JAK1: variants seen among roughly 807,000 people sequenced by gnomAD.
JAK1 encodes the protein tyrosine-protein kinase JAK1.
Under a neutral mutation model 136.6 loss-of-function variants are expected in JAK1, and 16 were observed. The ratio of observed to expected loss-of-function variants is 0.12; its 90% confidence interval spans 0.08 to 0.18. The LOEUF is 0.18. Among genes scored for constraint, JAK1 ranks in the 10% least tolerant of loss-of-function variants. JAK1 has a pLI of 1.00. For synonymous variants in JAK1, 492 were observed against 519.5 expected (o/e 0.95, Z 0.72); for missense variants, 859 against 1,450.1 (o/e 0.59, Z 6.62).
chr1:64,942,670 TAGACTTCAAGCCAAACATCAGCA>T (rs71890067), intron 1 of JAK1, among the ~76,000 whole-genome samples: 7,058 of 152,306 alleles, frequency 0.046, 264 homozygotes, highest in Admixed American at 0.14. Context: ...ACAATATTCT[TAGACTTCAAGCCAAACATCAGCA>T]AATGCCATGC....
intron 1 of JAK1, among the ~76,000 whole-genome samples, chr1:64,936,919 CA>C (rs1645799638): frequency 6.6e-6 from 1 of 150,790 alleles, no homozygotes; most frequent in South Asian, 2.1e-4. Context: ...ACAAAAATGG[CA>C]ATTTTATATT....
intron 1 of JAK1, among the ~76,000 whole-genome samples, chr1:64,965,511 C>T (rs538899290): frequency 6.6e-5 from 10 of 152,226 alleles, no homozygotes; most frequent in Admixed American, 3.9e-4. Context: ...TCCCAGGGAC[C>T]CTGGGGAGTG....
At chr1:64,917,007 A>G (rs927016907) in intron 1 of JAK1, among the ~76,000 whole-genome samples, 1 of 152,118 alleles carries the variant, frequency 6.6e-6, no homozygotes, top group Non-Finnish European at 1.5e-5. Flanking sequence ...AAACCATTTG[A>G]GAAAGATTTC....
At chr1:64,850,960 C>A (rs1655551746) in intron 11 of JAK1, 50 bp from the exon 12 acceptor site, 1 of 1,291,734 alleles carries the variant, frequency 7.7e-7, no homozygotes, top group East Asian at 2.3e-5. Flanking sequence ...GATCCGAGCT[C>A]TCAGACAGCC....
intron 2 of JAK1, among the ~76,000 whole-genome samples, chr1:65,020,330 T>C (rs1185905139): frequency 6.7e-6 from 1 of 149,960 alleles, no homozygotes; most frequent in Non-Finnish European, 1.5e-5. Flanking sequence ...AGCAACAGCC[T>C]ATGAGAACTC....
chr1:65,033,756 G>A (rs545453869), intron 2 of JAK1, among the ~76,000 whole-genome samples: 8 of 145,796 alleles, frequency 5.5e-5, no homozygotes, highest in African/African-American at 1.0e-4. Flanking sequence ...AAACACTTCC[G>A]TATAGTATGT....
intron 1 of JAK1, among the ~76,000 whole-genome samples, chr1:64,926,397 C>G (rs1645583230): frequency 7.2e-6 from 1 of 139,408 alleles, no homozygotes; most frequent in Non-Finnish European, 1.6e-5. Flanking sequence ...TCCACACTGC[C>G]CAGGTGGAAC....
At chr1:65,026,226 A>G (rs1426772451) in intron 2 of JAK1, among the ~76,000 whole-genome samples, 3 of 152,168 alleles carry the variant, frequency 2.0e-5, no homozygotes, top group Admixed American at 6.5e-5. Context: ...CTTTTGAACC[A>G]TTACCTTATT....
intron 2 of JAK1, among the ~76,000 whole-genome samples, chr1:64,986,987 A>G (rs988187841): frequency 6.6e-6 from 1 of 152,186 alleles, no homozygotes; most frequent in Non-Finnish European, 1.5e-5. Context: ...CAAGGCCTTA[A>G]CGTTGTAAGA....
Position 64,864,906 on chromosome 1 carries a change from C to G in JAK1, c.1057G>C (p.Asp353His). The G allele has an allele frequency of 6.2e-7, 1 of 1,613,952 alleles. No individual in the cohort carries two copies. Among genetic ancestry groups the G allele is most frequent in the East Asian group, 2.2e-5 (1 of 44,854 alleles). ...RKKLENKHKK[D>H]EEKNKIREEW... ...TCCCGGATCTTGTTTTTCTCCTCAT[C>G]CTTCTTGTGTTTATTTTCCAGTTTT... is the stretch of plus-strand genomic sequence containing the variant. Residue 353 changes from aspartate to histidine, a missense_variant, in exon 8 of 25, where the codon GAT becomes CAT. Transcript: ENST00000342505.
intron 1 of JAK1, among the ~76,000 whole-genome samples, chr1:64,911,640 A>G (rs547153038): frequency 1.3e-5 from 2 of 152,356 alleles, no homozygotes; most frequent in African/African-American, 4.8e-5. Context: ...AAATCATCTA[A>G]GTAATGACCT....
intron 2 of JAK1, among the ~76,000 whole-genome samples, chr1:65,035,379 T>C (rs1486774537): frequency 1.3e-5 from 2 of 152,192 alleles, no homozygotes; most frequent in Non-Finnish European, 2.9e-5. Context: ...GTAGGAACTA[T>C]AAGCAAGTGA....
chr1:65,006,174 T>C (rs1009348317), intron 2 of JAK1, among the ~76,000 whole-genome samples: 4 of 152,240 alleles, frequency 2.6e-5, no homozygotes, highest in Admixed American at 2.0e-4. Context: ...ACTCAAATTG[T>C]ATTTGGTAAA....
At chr1:64,943,142 A>T (rs1317421820) in intron 1 of JAK1, among the ~76,000 whole-genome samples, 1 of 152,180 alleles carries the variant, frequency 6.6e-6, no homozygotes, top group Non-Finnish European at 1.5e-5. Context: ...TATTATATCA[A>T]ATTTTGACTA....
chr1:64,906,864 A>T (rs1000747998), intron 1 of JAK1, among the ~76,000 whole-genome samples: 3 of 152,226 alleles, frequency 2.0e-5, no homozygotes, highest in African/African-American at 7.2e-5. Flanking sequence ...AAAGCTTTAA[A>T]GGAAAAACGG....
At chr1:65,050,727 G>C (rs693239) in intron 1 of JAK1, among the ~76,000 whole-genome samples, 29 of 152,194 alleles carry the variant, frequency 1.9e-4, no homozygotes, top group Non-Finnish European at 3.8e-4. Flanking sequence ...AGTGTATGGT[G>C]CAAATTTTAA....
chr1:64,864,188 G>A (rs954679677), intron 8 of JAK1, among the ~76,000 whole-genome samples: 3 of 152,172 alleles, frequency 2.0e-5, no homozygotes, highest in Non-Finnish European at 2.9e-5. Flanking sequence ...CTCACCAGCC[G>A]CTCTCTCTGC....
intron 2 of JAK1, among the ~76,000 whole-genome samples, chr1:65,014,600 C>T (rs1434065110): frequency 6.6e-6 from 1 of 152,022 alleles, no homozygotes; most frequent in Non-Finnish European, 1.5e-5. Context: ...CCACTAACTT[C>T]TCAGTAGCTG....
Position 64,984,941 on chromosome 1 carries a change from G to T in JAK1, c.-78+59539C>A. On this transcript the variant is annotated intron_variant, in intron 2 of 25. Coordinates refer to the JAK1 transcript ENST00000671954. The surrounding 1 kb of genome is among the most constrained non-coding windows in gnomAD (Gnocchi z 4.1). ...TGAAGAGTTCAGCCACAATAAACCA[G>T]GGAATGTGGTCTGGCCCAATTTCAA... is the stretch of plus-strand genomic sequence containing the variant. 9.2e-7 allele frequency: 1 copy of T among 1,088,550 alleles called. No individual in the cohort carries two copies. Among genetic ancestry groups the T allele is most frequent in the Non-Finnish European group, 1.4e-6 (1 of 705,200 alleles). 67.4% of individuals were successfully genotyped at this position (1,088,550 alleles called of 1,614,324 possible). A position where few individuals can be genotyped will look rare whatever the true frequency, so the allele number is the denominator to read the frequency against.
Sources: gnomAD v4.1 joint callset for allele counts (sites outside exome capture counted in the v4.1 genomes callset) on GRCh38, gnomAD v4.1.1 for gene constraint, Gnocchi (gnomAD v3.1) non-coding constraint, MANE v1.5 for transcripts, NCBI Gene and HGNC (gene_info 2026-07-23, HGNC 2026-07-21) for gene names.